COL9A1: variants seen among roughly 807,000 people sequenced by gnomAD.
COL9A1 encodes the protein collagen type IX alpha 1 chain.
A neutral mutation model predicts 142.6 loss-of-function variants in COL9A1; 104 were observed. The ratio of observed to expected loss-of-function variants is 0.73; its 90% CI spans 0.62 to 0.86. The LOEUF (loss-of-function observed/expected upper bound fraction) is 0.86, where lower values mean the gene tolerates loss of function less well. COL9A1 is among the 40% of genes least tolerant of loss of function. The probability of loss-of-function intolerance (pLI) is 0.00; values close to 1 mark genes in which losing one functional copy is unlikely to be tolerated. For missense variants in COL9A1, 1,210 were observed against 1,176.6 expected, an observed-to-expected ratio of 1.03 and a Z score of -0.42; for synonymous variants, 466 against 396.0, an observed-to-expected ratio of 1.18 and a Z score of -2.10.
intron 32 of COL9A1, 86 bp from the exon 33 acceptor site, chr6:70,239,372 T>C: frequency 1.0e-6 from 1 of 954,216 alleles, no homozygotes; most frequent in Non-Finnish European, 1.7e-6. Context: ...ATTGTGCTAC[T>C]AAAATACGGA....
chr6:70,279,329 T>C (rs1335004667), intron 10 of COL9A1, among the ~76,000 whole-genome samples: 1 of 152,126 alleles, frequency 6.6e-6, no homozygotes, highest in South Asian at 2.1e-4. Flanking sequence ...CAAACGCTTG[T>C]TTGAGATTCA....
chr6:70,235,223 T>C (rs1769829848), intron 33 of COL9A1, among the ~76,000 whole-genome samples: 1 of 152,112 alleles, frequency 6.6e-6, no homozygotes, highest in African/African-American at 2.4e-5. Context: ...AGGAGGCCCA[T>C]GTGGGTGGAT....
chr6:70,228,503 T>A (rs1463176168), intron 36 of COL9A1, among the ~76,000 whole-genome samples: 1 of 151,966 alleles, frequency 6.6e-6, no homozygotes, highest in Non-Finnish European at 1.5e-5. Flanking sequence ...ATACATACCA[T>A]TTTTTTTCCA....
chr6:70,295,281 CTTT>C (rs1171549562), intron 4 of COL9A1, among the ~76,000 whole-genome samples: 1 of 63,126 alleles, frequency 1.6e-5, no homozygotes, highest in Non-Finnish European at 2.8e-5. Context: ...GTTGTTGCTT[CTTT>C]TTTTTTTTTT....
chr6:70,253,519 G>A, intron 25 of COL9A1, 90 bp from the exon 26 acceptor site: 1 of 910,132 alleles, frequency 1.1e-6, no homozygotes, highest in Non-Finnish European at 1.8e-6. Context: ...GGGAGGCTGA[G>A]GGAATCATGA....
chr6:70,257,101 C>A (rs1049350417), intron 20 of COL9A1, among the ~76,000 whole-genome samples: 1 of 133,396 alleles, frequency 7.5e-6, no homozygotes, highest in Non-Finnish European at 1.5e-5. Context: ...GCTCTTGTTG[C>A]CCAGGCTGGA....
chr6:70,276,168 C>A (rs564045222), intron 10 of COL9A1, among the ~76,000 whole-genome samples: 2 of 152,086 alleles, frequency 1.3e-5, no homozygotes. Context: ...ATTACAACAC[C>A]GTAATTTGGG....
At chr6:70,240,762 TA>T in intron 31 of COL9A1, 29 bp from the exon 32 acceptor site, 1 of 1,593,822 alleles carries the variant, frequency 6.3e-7, no homozygotes, top group Admixed American at 1.7e-5. Context: ...GGTTACATTT[TA>T]AAATTCTTAG....
intron 8 of COL9A1, 60 bp downstream of exon 8, chr6:70,281,330 G>C (rs1448894124): frequency 6.5e-7 from 1 of 1,532,312 alleles, no homozygotes; most frequent in Non-Finnish European, 8.9e-7. Context: ...AGGAGCCCTG[G>C]GAAAAGAATA....
At chr6:70,224,228 C>T (rs1469789325) in intron 37 of COL9A1, among the ~76,000 whole-genome samples, 2 of 152,294 alleles carry the variant, frequency 1.3e-5, no homozygotes, top group African/African-American at 4.8e-5. Context: ...CGTGGATGGT[C>T]TGATGTTCTA....
rs143483952 is a variant in COL9A1, at chr6:70,288,237, T to G, written c.697-4417A>C. ...CGCGCCTAAAGTAATGGTGTCATCTTTGATTCCTCTTTTTCTCTCATACTC... is the reference window on the plus strand; with the variant it reads ...CGCGCCTAAAGTAATGGTGTCATCTGTGATTCCTCTTTTTCTCTCATACTC... On this transcript the variant is annotated intron_variant, in intron 5 of 37. Transcript: ENST00000357250. Among the ~76,000 whole-genome samples, 630 of 152,294 alleles carry G rather than the reference T, an allele frequency of 4.1e-3. 4 individuals are homozygous for G. The highest frequency in any genetic ancestry group is 0.015 in the African/African-American group (613 of 41,558).
Position 70,255,143 on chromosome 6 carries a change from G to T in COL9A1, c.1611+7C>A. The T allele has an allele frequency of 1.2e-6, 2 of 1,614,146 alleles. No individual in the cohort carries two copies. Among genetic ancestry groups the T allele is most frequent in the Non-Finnish European group, 1.7e-6 (2 of 1,180,006 alleles). ...AATGTGCTTGATGACTACAGCTCAG[G>T]ACATACCGTGTCTCCTTTGGGCCCA... On this transcript the variant is annotated splice_region_variant and intron_variant, in intron 23 of 37. Coordinates refer to ENST00000357250, the MANE Select transcript of COL9A1 (RefSeq NM_001851.6).
At chr6:70,252,831 C>T (rs1771033702) in intron 26 of COL9A1, among the ~76,000 whole-genome samples, 1 of 152,180 alleles carries the variant, frequency 6.6e-6, no homozygotes, top group Non-Finnish European at 1.5e-5. Context: ...ACGCTGCAGA[C>T]CACTGTGACT....
intron 33 of COL9A1, among the ~76,000 whole-genome samples, chr6:70,237,217 A>G (rs1769967017): frequency 6.6e-6 from 1 of 152,244 alleles, no homozygotes; most frequent in Non-Finnish European, 1.5e-5. Flanking sequence ...GACAGAGTGT[A>G]TAATCCTGCT....
chr6:70,297,866 A>T (rs1773902868), intron 4 of COL9A1, among the ~76,000 whole-genome samples: 1 of 150,204 alleles, frequency 6.7e-6, no homozygotes, highest in South Asian at 2.1e-4. Flanking sequence ...GCAAAAAAAA[A>T]GTATGTGTCT....
chr6:70,252,833 A>G (rs1771034055), intron 26 of COL9A1, among the ~76,000 whole-genome samples: 1 of 152,210 alleles, frequency 6.6e-6, no homozygotes, highest in African/African-American at 2.4e-5. Flanking sequence ...GCTGCAGACC[A>G]CTGTGACTGG....
chr6:70,221,944 T>C (rs970472797), intron 37 of COL9A1, among the ~76,000 whole-genome samples: 20 of 152,146 alleles, frequency 1.3e-4, no homozygotes, highest in African/African-American at 4.6e-4. Flanking sequence ...CACGTAGCTC[T>C]GCAAGAGAGG....
intron 36 of COL9A1, among the ~76,000 whole-genome samples, chr6:70,232,029 A>G (rs1197844255): frequency 6.6e-6 from 1 of 152,080 alleles, no homozygotes; most frequent in East Asian, 1.9e-4. Flanking sequence ...GCTATCTTAC[A>G]TACTAAAGAA....
chr6:70,261,364 T>C lies in COL9A1; in HGVS notation c.1396-654A>G, dbSNP rs183924666. 3.4e-3 allele frequency among the ~76,000 whole-genome samples: 470 copies of C among 138,714 alleles called. 1 individual carries two copies. Among genetic ancestry groups the C allele is most frequent in the African/African-American group, 0.012 (438 of 35,894 alleles). The allele number at this position is 138,714 out of a possible 152,430, so 91.0% of individuals were successfully genotyped here. ...TCTTTCAATACTGAAATGTTACCAT[T>C]CTGGACTCTCTGGCCCCCATACTAG... is the stretch of plus-strand genomic sequence containing the variant. On this transcript the variant is annotated intron_variant, in intron 19 of 37. Coordinates refer to ENST00000357250, the MANE Select transcript of COL9A1 (RefSeq NM_001851.6).
Sources: allele counts gnomAD v4.1 joint callset (sites outside exome capture counted in the v4.1 genomes callset), GRCh38; gene constraint gnomAD v4.1.1; transcripts MANE v1.5; gene names NCBI Gene and HGNC (gene_info 2026-07-23, HGNC 2026-07-21).